SLC25A48: variants seen among roughly 807,000 people sequenced by gnomAD.
The protein encoded by SLC25A48 is CTC-321K16.1.
SLC25A48 carries 29 observed loss-of-function variants against 32.2 expected under a neutral mutation model. The ratio of observed to expected loss-of-function variants is 0.90; its 90% CI spans 0.67 to 1.23. SLC25A48 has a LOEUF of 1.23. Among genes scored for constraint, SLC25A48 ranks in the 50% most tolerant of loss-of-function variants. The probability of loss-of-function intolerance (pLI) is 0.00; values close to 1 mark genes in which losing one functional copy is unlikely to be tolerated. For missense variants in SLC25A48, 399 were observed against 422.7 expected, an observed-to-expected ratio of 0.94 and a Z score of 0.49; for synonymous variants, 164 against 172.3, an observed-to-expected ratio of 0.95 and a Z score of 0.38.
chr5:135,654,366 A>G (rs1030669432), intron 3 of SLC25A48, among the ~76,000 whole-genome samples: 7 of 152,210 alleles, frequency 4.6e-5, no homozygotes, highest in African/African-American at 1.7e-4. Flanking sequence ...ATTCTGGGAC[A>G]TAGGGTTTGT....
chr5:135,841,431 A>G (rs554676662), intron 1 of SLC25A48, among the ~76,000 whole-genome samples: 3 of 152,176 alleles, frequency 2.0e-5, no homozygotes, highest in African/African-American at 7.2e-5. Context: ...TTAGAGATAA[A>G]CTCCAACCCC....
Position 135,652,366 on chromosome 5 carries a change from A to G in SLC25A48, c.-521+17410A>G, listed in dbSNP as rs759523125. The G allele has an allele frequency of 4.8e-5, 22 of 455,990 alleles. 1 individual carries two copies. The highest frequency in any genetic ancestry group is 3.2e-4 in the Middle Eastern group (1 of 3,096). The allele number at this position is 455,990 out of a possible 1,614,324, so 28.2% of individuals were successfully genotyped here. ...AGAAATCGACTTACCTTCTTTGCAC[A>G]TAGTGCTTCTGCCAGCACCACCATC... On this transcript the variant is annotated intron_variant, in intron 3 of 10. Coordinates refer to the SLC25A48 transcript ENST00000646290.
At chr5:135,685,116 T>C (rs1753987793) in intron 3 of SLC25A48, among the ~76,000 whole-genome samples, 1 of 152,148 alleles carries the variant, frequency 6.6e-6, no homozygotes, top group Non-Finnish European at 1.5e-5. Context: ...AAAAATGGTA[T>C]CTTGTGGTAG....
At chr5:135,880,719 C>T (rs1762404749) in intron 7 of SLC25A48, among the ~76,000 whole-genome samples, 1 of 151,742 alleles carries the variant, frequency 6.6e-6, no homozygotes, top group African/African-American at 2.4e-5. Context: ...CTGCTTCCGC[C>T]AGCCTCACTC....
In SLC25A48 at chr5:135,598,961, A is replaced by G. The variant is rs1164002992; in HGVS notation, c.-849+19364A>G. 4.6e-5 allele frequency among the ~76,000 whole-genome samples: 7 copies of G among 152,148 alleles called. No homozygotes were observed. In the East Asian group the frequency reaches 1.4e-3, roughly 29 times the overall value. ...GGGGAGTGCAGCTGGGCTGGATTCT[A>G]TTTAACTCTTAGGAAAGAAAGTCTA... On this transcript the variant is annotated intron_variant, in intron 1 of 10. Transcript: ENST00000646290.
intron 3 of SLC25A48, among the ~76,000 whole-genome samples, chr5:135,710,298 G>C (rs1012061136): frequency 2.6e-5 from 4 of 152,218 alleles, no homozygotes; most frequent in Admixed American, 6.5e-5. Flanking sequence ...CTCAATTACT[G>C]TCATTGGGAA....
intron 1 of SLC25A48, among the ~76,000 whole-genome samples, chr5:135,838,012 G>T (rs1758672378): frequency 6.6e-6 from 1 of 152,216 alleles, no homozygotes; most frequent in African/African-American, 2.4e-5. Context: ...AAAGTTTGGA[G>T]CTTCCTAGAG....
intron 4 of SLC25A48, among the ~76,000 whole-genome samples, chr5:135,822,898 GCTCT>G (rs1757928984): frequency 6.6e-6 from 1 of 152,130 alleles, no homozygotes; most frequent in South Asian, 2.1e-4. Context: ...GGACCACAGA[GCTCT>G]GCAGAGTGTC....
intron 3 of SLC25A48, among the ~76,000 whole-genome samples, chr5:135,697,051 C>T (rs1181898171): frequency 6.6e-6 from 1 of 152,142 alleles, no homozygotes; most frequent in Non-Finnish European, 1.5e-5. Flanking sequence ...AATTTCTTGT[C>T]TGTAGCATGT....
At chr5:135,871,874 C>T (rs1225349867) in intron 5 of SLC25A48, 156 bp downstream of exon 5, 11 of 1,507,256 alleles carry the variant, frequency 7.3e-6, no homozygotes, top group African/African-American at 1.4e-5. Context: ...TGTCCCCGGC[C>T]CTCTCCCACC....
At chr5:135,806,570 T>C (rs1757468486) in intron 3 of SLC25A48, among the ~76,000 whole-genome samples, 1 of 151,030 alleles carries the variant, frequency 6.6e-6, no homozygotes, top group Non-Finnish European at 1.5e-5. Context: ...TAACACTAGA[T>C]GTTATAAATA....
Position 135,794,331 on chromosome 5 carries a change from C to G in SLC25A48, c.-520-18192C>G, listed in dbSNP as rs1580887940. Among the ~76,000 whole-genome samples, 3 of 151,494 alleles carry G rather than the reference C, an allele frequency of 2.0e-5. No homozygotes were observed. In the South Asian group the frequency reaches 6.2e-4, roughly 32 times the overall value. ...TCCAGGGGGTGAGAGGATAGTATTA[C>G]TCTCAATATCACAGGAGTTGTGCAC... On this transcript the variant is annotated intron_variant, in intron 3 of 10. Transcript: ENST00000646290.
At chr5:135,808,105 A>C (rs1329265300) in intron 3 of SLC25A48, among the ~76,000 whole-genome samples, 3 of 151,094 alleles carry the variant, frequency 2.0e-5, no homozygotes, top group Admixed American at 6.6e-5. Context: ...TAGATATTTT[A>C]TTAATATCAC....
intron 3 of SLC25A48, among the ~76,000 whole-genome samples, chr5:135,677,048 A>G (rs1753789304): frequency 6.6e-6 from 1 of 151,952 alleles, no homozygotes; most frequent in Non-Finnish European, 1.5e-5. Flanking sequence ...TGCTAATAGT[A>G]GAGGGCTGAA....
chr5:135,882,412 C>T (rs995657186), intron 7 of SLC25A48, among the ~76,000 whole-genome samples: 2 of 152,010 alleles, frequency 1.3e-5, no homozygotes, highest in Admixed American at 1.3e-4. Flanking sequence ...TTGTCTAGAC[C>T]CAGGACAGAG....
chr5:135,854,793 T>G lies in SLC25A48; in HGVS notation c.421+1972T>G, dbSNP rs556594916. On this transcript the variant is annotated intron_variant, in intron 4 of 7. Coordinates refer to ENST00000681962, the MANE Select transcript of SLC25A48 (RefSeq NM_001349336.2). ...TTTGCATTCACAACCTGGCTAACTC[T>G]TGGGCAAAAGAGGCTTAGCTTTTGA... 5.3e-5 allele frequency among the ~76,000 whole-genome samples: 8 copies of G among 152,380 alleles called. No homozygotes were observed. The South Asian group carries it at 1.7e-3, about 32-fold the overall frequency.
At chr5:135,708,403 T>C (rs1356365203) in intron 3 of SLC25A48, among the ~76,000 whole-genome samples, 1 of 152,202 alleles carries the variant, frequency 6.6e-6, no homozygotes, top group East Asian at 1.9e-4. Context: ...AGTATCTCTC[T>C]CTTCCCCATG....
chr5:135,632,190 C>G (rs1348218088), intron 2 of SLC25A48, among the ~76,000 whole-genome samples: 1 of 152,214 alleles, frequency 6.6e-6, no homozygotes, highest in East Asian at 1.9e-4. Context: ...GTCTTCTGTA[C>G]TACAGTGCGT....
chr5:135,792,339 A>G (rs1197987026), intron 3 of SLC25A48, among the ~76,000 whole-genome samples: 1 of 151,690 alleles, frequency 6.6e-6, no homozygotes. Context: ...TGTTACTCCT[A>G]TAAAACAGTG....
Sources: gnomAD v4.1 joint callset for allele counts (sites outside exome capture counted in the v4.1 genomes callset) on GRCh38, gnomAD v4.1.1 for gene constraint, MANE v1.5 for transcripts, NCBI Gene and HGNC (gene_info 2026-07-23, HGNC 2026-07-21) for gene names.